Variants in GALNT9 observed in about 807,000 individuals in gnomAD.
GALNT9 encodes the protein polypeptide N-acetylgalactosaminyltransferase 9, also known as GalNAc transferase 9.
In GALNT9, 47 loss-of-function variants were observed where a neutral mutation model predicts 63.1. That is an observed-to-expected ratio of 0.75 (90% CI 0.59 to 0.95). The LOEUF is 0.95. Ranked by LOEUF, GALNT9 falls within the 40% of genes least tolerant of loss-of-function variation. The pLI, the probability that GALNT9 is intolerant of heterozygous loss-of-function variation, is 0.00. For missense variants in GALNT9, 829 were observed against 874.8 expected (o/e 0.95, Z 0.66); for synonymous variants, 396 against 365.7 (o/e 1.08, Z -0.94).
chr12:132,303,312 G>A (rs537823169), intron 1 of GALNT9, among the ~76,000 whole-genome samples: 8 of 151,856 alleles, frequency 5.3e-5, no homozygotes, highest in Non-Finnish European at 7.4e-5. Flanking sequence ...CATTTAACAC[G>A]AGAGGCAGCT....
rs1399276007 is a variant in GALNT9 at position 132,310,107 on chromosome 12, T to C, written c.238+18859A>G. On this transcript the variant is annotated intron_variant, in intron 1 of 10. Coordinates refer to ENST00000328957, the MANE Select transcript of GALNT9 (RefSeq NM_001122636.2). The surrounding 1 kb of genome is among the most constrained non-coding windows in gnomAD (Gnocchi z 4.8). ...TTTTATCCACAGCCCTGTACTGTTT[T>C]TCGTGCCTGGAACCAGGACTCAATG... Among the ~76,000 whole-genome samples the C allele has an allele frequency of 6.6e-6, 1 of 152,208 alleles. No individual in the cohort carries two copies. The highest frequency in any genetic ancestry group is 1.5e-5 in the Non-Finnish European group (1 of 68,034).
chr12:132,201,313 G>A lies in GALNT9; in HGVS notation c.1264-52C>T, dbSNP rs772491052. On this transcript the variant is annotated intron_variant, in intron 7 of 10. Coordinates refer to ENST00000328957, the MANE Select transcript of GALNT9 (RefSeq NM_001122636.2). ...GTACATGGGTGTCACCATGACCTGG[G>A]TCTTCCCCATAATGAGGTTGGGGGT... The A allele has an allele frequency of 3.0e-6, 4 of 1,340,616 alleles. No individual in the cohort carries two copies. The African/African-American group carries it at 5.7e-5, about 19-fold the overall frequency. 83.0% of individuals were successfully genotyped at this position (1,340,616 alleles called of 1,614,324 possible).
At chr12:132,248,333 G>A (rs1302583184) in intron 5 of GALNT9, among the ~76,000 whole-genome samples, 13 of 152,184 alleles carry the variant, frequency 8.5e-5, no homozygotes, top group Non-Finnish European at 1.5e-5. Context: ...CAATCGGCCG[G>A]CACAGTAGCT....
intron 1 of GALNT9, among the ~76,000 whole-genome samples, chr12:132,292,914 AAGAG>A (rs139268588): frequency 0.07 from 10,716 of 152,256 alleles, 458 homozygotes; most frequent in South Asian, 0.17. Flanking sequence ...AAATACTAGA[AAGAG>A]AGACTTTCCC....
chr12:132,223,172 C>CGTACCCG (rs1877539767), intron 6 of GALNT9, among the ~76,000 whole-genome samples: 1 of 119,480 alleles, frequency 8.4e-6, no homozygotes, highest in Non-Finnish European at 1.8e-5. Flanking sequence ...CCACACAACC[C>CGTACCCG]ACACCGCACA....
At chr12:132,257,499 T>G (rs1341544792) in intron 5 of GALNT9, among the ~76,000 whole-genome samples, 190 bp downstream of exon 5, 79 of 18,204 alleles carry the variant, frequency 4.3e-3, no homozygotes, top group Non-Finnish European at 8.6e-3. Flanking sequence ...CTCGTCCTCA[T>G]GCCCTCATCC....
chr12:132,255,132 C>A (rs1223217716), intron 5 of GALNT9, among the ~76,000 whole-genome samples: 1 of 152,178 alleles, frequency 6.6e-6, no homozygotes, highest in Non-Finnish European at 1.5e-5. Context: ...CCCAAAGTAA[C>A]CCAGGAAAAC....
At chr12:132,203,100 C>T (rs568636861) in intron 7 of GALNT9, among the ~76,000 whole-genome samples, 28 of 152,278 alleles carry the variant, frequency 1.8e-4, no homozygotes, top group Middle Eastern at 6.8e-3. Context: ...AACCGCCAGA[C>T]AGTTGAGGCT....
intron 6 of GALNT9, among the ~76,000 whole-genome samples, chr12:132,207,619 C>T (rs1203255709): frequency 2.0e-5 from 3 of 152,142 alleles, no homozygotes; most frequent in African/African-American, 2.4e-5. Flanking sequence ...ACCGAAGCTA[C>T]GGGAGAGGCG....
intron 6 of GALNT9, among the ~76,000 whole-genome samples, chr12:132,213,618 C>G (rs898023312): frequency 7.9e-5 from 12 of 152,200 alleles, no homozygotes; most frequent in Admixed American, 6.5e-4. Flanking sequence ...CACATGTGCA[C>G]TCAGCTGTCA....
intron 1 of GALNT9, among the ~76,000 whole-genome samples, chr12:132,314,356 C>T (rs1868406547): frequency 6.6e-6 from 1 of 152,098 alleles, no homozygotes; most frequent in Non-Finnish European, 1.5e-5. Context: ...TCCATCTTTG[C>T]TAACTTTTCT....
chr12:132,291,588 GCCCACATCCACACCA>G (rs1413667548), intron 1 of GALNT9, among the ~76,000 whole-genome samples: 1 of 100,990 alleles, frequency 9.9e-6, no homozygotes, highest in Non-Finnish European at 2.1e-5. Flanking sequence ...CGTCCACACC[GCCCACATCCACACCA>G]CCCACCTCCA....
In GALNT9 at chr12:132,296,514, A is replaced by T. The variant is rs2135570962; in HGVS notation, c.239-10084T>A. Among the ~76,000 whole-genome samples the T allele has an allele frequency of 6.6e-6, 1 of 152,318 alleles. No individual in the cohort carries two copies. Among genetic ancestry groups the T allele is most frequent in the Admixed American group, 6.5e-5 (1 of 15,308 alleles). ...ATCAACACTGCAAGCTTGTCATCTTATCCTTGAATAAGATGTAATTTTGAG... is the reference window on the plus strand; with the variant it reads ...ATCAACACTGCAAGCTTGTCATCTTTTCCTTGAATAAGATGTAATTTTGAG... On this transcript the variant is annotated intron_variant, in intron 1 of 10. Coordinates refer to ENST00000328957, the MANE Select transcript of GALNT9 (RefSeq NM_001122636.2). The surrounding 1 kb of genome is among the most constrained non-coding windows in gnomAD (Gnocchi z 4.2).
At chr12:132,318,288 A>G (rs1868614590) in intron 1 of GALNT9, among the ~76,000 whole-genome samples, 1 of 152,256 alleles carries the variant, frequency 6.6e-6, no homozygotes, top group Admixed American at 6.5e-5. Flanking sequence ...ACGCTGACCA[A>G]GAACGCTGGA....
Position 132,240,798 on chromosome 12 carries a change from ACATGCCACACACCCTTCCC to A in GALNT9, c.1077+7093_1077+7111del, listed in dbSNP as rs1878254571. ...CAGTATGATCTATACATGTTTACACACATGCCACACACCCTTCCCAAGGCCGTCCCTATACCCATTACAC... is the reference window on the plus strand; with the variant it reads ...CAGTATGATCTATACATGTTTACACAAAGGCCGTCCCTATACCCATTACAC... On this transcript the variant is annotated intron_variant, in intron 6 of 10. Coordinates refer to ENST00000328957, the MANE Select transcript of GALNT9 (RefSeq NM_001122636.2). The A allele has an allele frequency of 6.8e-6, 3 of 443,710 alleles. No individual in the cohort carries two copies. The East Asian group carries it at 2.1e-4, about 31-fold the overall frequency. 27.5% of individuals were successfully genotyped at this position (443,710 alleles called of 1,614,324 possible). A position where few individuals can be genotyped will look rare whatever the true frequency, so the allele number is the denominator to read the frequency against.
chr12:132,264,111 G>A (rs561215254), intron 2 of GALNT9, among the ~76,000 whole-genome samples: 2 of 152,280 alleles, frequency 1.3e-5, no homozygotes, highest in Admixed American at 6.5e-5. Context: ...ATCCATGTTC[G>A]GTACCCACTT....
Position 132,302,532 on chromosome 12 carries a change from C to T in GALNT9, c.239-16102G>A, listed in dbSNP as rs547485950. 2.1e-4 allele frequency among the ~76,000 whole-genome samples: 32 copies of T among 152,362 alleles called. No individual in the cohort carries two copies. In the South Asian group the frequency reaches 3.7e-3, roughly 18 times the overall value. On this transcript the variant is annotated intron_variant, in intron 1 of 10. Coordinates refer to ENST00000328957, the MANE Select transcript of GALNT9 (RefSeq NM_001122636.2). ...TTCACCCATCCATTATCAAAACTCA[C>T]GGAGCGTCTGCTAAATTCCAAGAGC...
chr12:132,237,018 T>G (rs2136895117), intron 6 of GALNT9, among the ~76,000 whole-genome samples: 6 of 152,144 alleles, frequency 3.9e-5, no homozygotes, highest in Non-Finnish European at 8.8e-5. Flanking sequence ...GCCCATGGGA[T>G]TCCGCCCAGG....
chr12:132,251,924 C>T (rs1009731613), intron 5 of GALNT9, among the ~76,000 whole-genome samples: 2 of 152,066 alleles, frequency 1.3e-5, no homozygotes, highest in East Asian at 1.9e-4. Context: ...CCAGCAGCCC[C>T]GATGAGAGCC....
Sources: gnomAD v4.1 joint callset for allele counts (sites outside exome capture counted in the v4.1 genomes callset) on GRCh38, gnomAD v4.1.1 for gene constraint, Gnocchi (gnomAD v3.1) non-coding constraint, MANE v1.5 for transcripts, NCBI Gene and HGNC (gene_info 2026-07-23, HGNC 2026-07-21) for gene names.